Variants in RRP15 observed in about 807,000 individuals in gnomAD.
RRP15 encodes RRP15-like protein.
A neutral mutation model predicts 27.1 loss-of-function variants in RRP15; 18 were observed. The observed-to-expected ratio is 0.66, with a 90% CI of 0.46 to 0.98. RRP15 has a LOEUF of 0.98. RRP15 is among the 50% of genes least tolerant of loss of function. RRP15 has a pLI of 0.00. For missense variants in RRP15, 359 were observed against 337.8 expected (o/e 1.06, Z -0.49); for synonymous variants, 107 against 109.4 (o/e 0.98, Z 0.14).
intron 4 of RRP15, among the ~76,000 whole-genome samples, chr1:218,329,203 C>A (rs945296231): frequency 8.1e-6 from 1 of 123,254 alleles, no homozygotes; most frequent in Non-Finnish European, 1.6e-5. Flanking sequence ...GAGCTCGAAA[C>A]CAGCCTGGAC....
intron 4 of RRP15, among the ~76,000 whole-genome samples, chr1:218,310,570 T>C (rs1393881209): frequency 6.6e-6 from 1 of 152,082 alleles, no homozygotes; most frequent in East Asian, 1.9e-4. Flanking sequence ...TTAGGAGTGG[T>C]TTTGGTGTTT....
intron 3 of RRP15, among the ~76,000 whole-genome samples, chr1:218,305,379 A>C (rs1270210053): frequency 6.6e-6 from 1 of 152,240 alleles, no homozygotes; most frequent in East Asian, 1.9e-4. Context: ...GAACTGTGTA[A>C]TCAGACCTCT....
intron 4 of RRP15, among the ~76,000 whole-genome samples, chr1:218,316,410 A>G (rs1283125232): frequency 6.6e-6 from 1 of 152,172 alleles, no homozygotes; most frequent in Non-Finnish European, 1.5e-5. Flanking sequence ...GCATTATATT[A>G]AGACATCAGT....
intron 1 of RRP15, among the ~76,000 whole-genome samples, chr1:218,295,981 A>AT (rs1655712604): frequency 6.6e-6 from 1 of 152,154 alleles, no homozygotes; most frequent in African/African-American, 2.4e-5. Flanking sequence ...AGGAAAGACC[A>AT]TGTGGCATGA....
chr1:218,330,894 T>C, intron 4 of RRP15, 54 bp from the exon 5 acceptor site: 3 of 1,537,546 alleles, frequency 2.0e-6, no homozygotes, highest in Non-Finnish European at 2.7e-6. Context: ...TACCTTTTTG[T>C]TTCCTTATGA....
intron 4 of RRP15, among the ~76,000 whole-genome samples, chr1:218,308,956 T>C (rs1177131864): frequency 1.3e-5 from 2 of 152,238 alleles, no homozygotes; most frequent in African/African-American, 4.8e-5. Flanking sequence ...TTTTTTTTCT[T>C]TTTCCTATTG....
chr1:218,293,945 C>A (rs1171230530), intron 1 of RRP15, among the ~76,000 whole-genome samples: 1 of 151,750 alleles, frequency 6.6e-6, no homozygotes, highest in African/African-American at 2.4e-5. Context: ...TTCTCATATA[C>A]TAGATTATCA....
intron 4 of RRP15, among the ~76,000 whole-genome samples, chr1:218,318,340 T>A (rs958452219): frequency 7.2e-5 from 11 of 152,232 alleles, no homozygotes; most frequent in African/African-American, 2.7e-4. Flanking sequence ...TCTCACCTAT[T>A]ACATTTGATT....
intron 4 of RRP15, among the ~76,000 whole-genome samples, chr1:218,310,632 C>CCT (rs34970729): frequency 1.4e-4 from 21 of 151,614 alleles, no homozygotes; most frequent in African/African-American, 4.4e-4. Flanking sequence ...TTTTAAAGAA[C>CCT]TTTTTTAAAA....
intron 2 of RRP15, 96 bp from the exon 3 acceptor site, chr1:218,304,932 T>G: frequency 8.7e-7 from 1 of 1,151,610 alleles, no homozygotes; most frequent in Non-Finnish European, 1.3e-6. Flanking sequence ...CCAGAATGAT[T>G]TATTACCTTC....
At chr1:218,311,384 A>T (rs1655993807) in intron 4 of RRP15, among the ~76,000 whole-genome samples, 1 of 152,298 alleles carries the variant, frequency 6.6e-6, no homozygotes, top group African/African-American at 2.4e-5. Context: ...AATATTGTTC[A>T]CTGCTGAGCA....
rs560159185 is a variant in RRP15 at position 218,305,113 on chromosome 1, G to C, written c.491G>C (p.Arg164Thr). ...QDKETERNLQ[R>T]IATRGVVQLF... ...AAAGAGACAGAGAGAAATCTTCAGA[G>C]AATTGCAACAAGGTAAGGTAGTGTT... The change falls in exon 3 of 5, where the codon AGA becomes ACA. Residue 164 changes from arginine (R) to threonine (T), a missense_variant. Arg to Thr is a moderately conservative substitution (Grantham distance 71, BLOSUM62 -1). Coordinates refer to ENST00000366932, the MANE Select transcript of RRP15 (RefSeq NM_016052.4). The C allele has an allele frequency of 6.2e-7, 1 of 1,612,622 alleles. No homozygotes were observed. Among genetic ancestry groups the C allele is most frequent in the African/African-American group, 1.3e-5 (1 of 75,016 alleles).
intron 1 of RRP15, among the ~76,000 whole-genome samples, chr1:218,285,984 A>G (rs958081857): frequency 2.0e-5 from 3 of 152,158 alleles, no homozygotes; most frequent in Non-Finnish European, 4.4e-5. Context: ...GACGCTTGAT[A>G]ATAAAAGGAA....
In RRP15 at chr1:218,306,952, C is replaced by G. The variant is rs117320792; in HGVS notation, c.504-479C>G. ...CTCACTAGCCACATGTGGCTTGTGGCTCCTGTATTGGATGCTGCAGGTCTT... is the reference window on the plus strand; with the variant it reads ...CTCACTAGCCACATGTGGCTTGTGGGTCCTGTATTGGATGCTGCAGGTCTT... On this transcript the variant is annotated intron_variant, in intron 3 of 4. Coordinates refer to ENST00000366932, the MANE Select transcript of RRP15 (RefSeq NM_016052.4). 8.3e-4 allele frequency among the ~76,000 whole-genome samples: 127 copies of G among 152,288 alleles called. 1 individual carries two copies. In the East Asian group the frequency reaches 0.022, roughly 26 times the overall value.
At chr1:218,304,690 C>T (rs1346235053) in intron 2 of RRP15, among the ~76,000 whole-genome samples, 1 of 152,156 alleles carries the variant, frequency 6.6e-6, no homozygotes, top group Non-Finnish European at 1.5e-5. Context: ...TGGAATTCTT[C>T]CTTATGCTTC....
At chr1:218,315,393 C>A (rs1290303542) in intron 4 of RRP15, among the ~76,000 whole-genome samples, 2 of 152,072 alleles carry the variant, frequency 1.3e-5, no homozygotes, top group East Asian at 1.9e-4. Flanking sequence ...CTTCCTCACC[C>A]AGGTCCCTTG....
chr1:218,304,946 C>T (rs1475903841), intron 2 of RRP15, 82 bp from the exon 3 acceptor site: 3 of 1,277,658 alleles, frequency 2.3e-6, no homozygotes, highest in African/African-American at 3.0e-5. Context: ...TACCTTCACC[C>T]TTTCACAGAG....
intron 4 of RRP15, among the ~76,000 whole-genome samples, chr1:218,320,168 T>C (rs567983128): frequency 1.2e-4 from 19 of 152,170 alleles, no homozygotes; most frequent in African/African-American, 4.6e-4. Flanking sequence ...CATTAACTCA[T>C]CATTTAGCGT....
chr1:218,307,394 AT>A (rs774056160), intron 3 of RRP15, 36 bp from the exon 4 acceptor site: 5 of 1,550,808 alleles, frequency 3.2e-6, no homozygotes, highest in Non-Finnish European at 3.5e-6. Flanking sequence ...TAGGGTAATT[AT>A]TTAATACATC....
Sources: allele counts gnomAD v4.1 joint callset (sites outside exome capture counted in the v4.1 genomes callset), GRCh38; gene constraint gnomAD v4.1.1; transcripts MANE v1.5; gene names NCBI Gene and HGNC (gene_info 2026-07-23, HGNC 2026-07-21).